GLRA3: variants seen among roughly 807,000 people sequenced by gnomAD.
GLRA3 encodes glycine receptor subunit alpha-3.
GLRA3 carries 44 observed loss-of-function variants against 60.4 expected under a neutral mutation model. The observed-to-expected ratio is 0.73, with a 90% CI of 0.57 to 0.94. The LOEUF (loss-of-function observed/expected upper bound fraction) is 0.94, where lower values mean the gene tolerates loss of function less well. Ranked by LOEUF, GLRA3 falls within the 40% of genes least tolerant of loss-of-function variation. The probability of loss-of-function intolerance (pLI) is 0.00; values close to 1 mark genes in which losing one functional copy is unlikely to be tolerated. For missense variants in GLRA3, 508 were observed against 564.6 expected, an observed-to-expected ratio of 0.90 and a Z score of 1.02; for synonymous variants, 223 against 192.9, an observed-to-expected ratio of 1.16 and a Z score of -1.29.
At chr4:174,785,923 C>T (rs1159544247) in intron 2 of GLRA3, among the ~76,000 whole-genome samples, 1 of 149,992 alleles carries the variant, frequency 6.7e-6, no homozygotes, top group African/African-American at 2.5e-5. Flanking sequence ...GTGTGTGCCA[C>T]CATGCCTGGC....
At chr4:174,722,314 C>T (rs1026338368) in intron 4 of GLRA3, among the ~76,000 whole-genome samples, 2 of 152,130 alleles carry the variant, frequency 1.3e-5, no homozygotes, top group African/African-American at 4.8e-5. Flanking sequence ...AGTCCCTAAC[C>T]TGAGTGCATG....
chr4:174,731,750 T>C (rs1736554734), intron 3 of GLRA3, among the ~76,000 whole-genome samples: 1 of 152,162 alleles, frequency 6.6e-6, no homozygotes, highest in African/African-American at 2.4e-5. Context: ...TTGCCACATA[T>C]ACAACTGACA....
chr4:174,696,489 T>A (rs140925990), intron 5 of GLRA3, among the ~76,000 whole-genome samples: 1,821 of 148,736 alleles, frequency 0.012, 31 homozygotes, highest in African/African-American at 0.042. Context: ...TAATATAATA[T>A]AATAATATTA....
At chr4:174,778,627 C>T (rs1320784754) in intron 2 of GLRA3, among the ~76,000 whole-genome samples, 6 of 152,204 alleles carry the variant, frequency 3.9e-5, no homozygotes, top group South Asian at 4.1e-4. Flanking sequence ...ACGCACCGTG[C>T]GCGAGCCGAA....
chr4:174,821,253 T>C (rs952757458), intron 1 of GLRA3, among the ~76,000 whole-genome samples: 4 of 152,202 alleles, frequency 2.6e-5, no homozygotes, highest in Non-Finnish European at 5.9e-5. Context: ...TATATGCATT[T>C]ATGGAAAAAT....
chr4:174,802,095 C>G (rs1185640961), intron 1 of GLRA3, among the ~76,000 whole-genome samples: 1 of 151,690 alleles, frequency 6.6e-6, no homozygotes, highest in Non-Finnish European at 1.5e-5. Context: ...GAATTTGATC[C>G]TCCAAACCAA....
intron 2 of GLRA3, among the ~76,000 whole-genome samples, chr4:174,782,418 T>A (rs1293077704): frequency 6.6e-6 from 1 of 150,586 alleles, no homozygotes; most frequent in Non-Finnish European, 1.5e-5. Flanking sequence ...AAGACAGGGA[T>A]GCCCTCTCTC....
chr4:174,745,487 A>G (rs1561091719), intron 3 of GLRA3, among the ~76,000 whole-genome samples: 2 of 152,182 alleles, frequency 1.3e-5, no homozygotes, highest in East Asian at 1.9e-4. Flanking sequence ...ACATTTAAGT[A>G]TACTTACTAT....
chr4:174,735,755 T>C (rs959106616), intron 3 of GLRA3, among the ~76,000 whole-genome samples: 2 of 151,986 alleles, frequency 1.3e-5, no homozygotes, highest in Admixed American at 6.6e-5. Context: ...AGAGATGGGG[T>C]TCCGTCATGT....
chr4:174,734,639 A>C (rs917578245), intron 3 of GLRA3, among the ~76,000 whole-genome samples: 4 of 152,224 alleles, frequency 2.6e-5, no homozygotes, highest in African/African-American at 9.6e-5. Context: ...ATTGTGTACC[A>C]GTTCTGGAAA....
At chr4:174,782,794 A>C (rs1738941241) in intron 2 of GLRA3, among the ~76,000 whole-genome samples, 1 of 151,992 alleles carries the variant, frequency 6.6e-6, no homozygotes. Context: ...GAGAACTACA[A>C]ACCACTGCTC....
At chr4:174,728,408 A>C (rs774677174) in intron 4 of GLRA3, 67 bp downstream of exon 4, 86 of 902,204 alleles carry the variant, frequency 9.5e-5, no homozygotes, top group Admixed American at 1.5e-4. Flanking sequence ...TTCACCAAAC[A>C]AACCAACCAA....
intron 3 of GLRA3, among the ~76,000 whole-genome samples, chr4:174,748,672 G>T (rs1737341475): frequency 6.6e-6 from 1 of 152,092 alleles, no homozygotes; most frequent in Admixed American, 6.6e-5. Context: ...TAAATTTTAG[G>T]TTTGGTGGCA....
chr4:174,720,390 C>T (rs376517552), intron 4 of GLRA3, among the ~76,000 whole-genome samples: 5 of 152,128 alleles, frequency 3.3e-5, no homozygotes, highest in East Asian at 3.8e-4. Context: ...ATGTCTGGCA[C>T]TATGCTGGGT....
intron 1 of GLRA3, among the ~76,000 whole-genome samples, chr4:174,815,526 T>A (rs1740456356): frequency 6.6e-6 from 1 of 152,214 alleles, no homozygotes; most frequent in Non-Finnish European, 1.5e-5. Context: ...TTCTGCCTCA[T>A]CATCCAGGCA....
chr4:174,798,740 C>A (rs188579200), intron 1 of GLRA3, among the ~76,000 whole-genome samples: 1 of 152,136 alleles, frequency 6.6e-6, no homozygotes, highest in East Asian at 1.9e-4. Context: ...CTGGCTAACA[C>A]GGTGAAACCC....
intron 3 of GLRA3, among the ~76,000 whole-genome samples, chr4:174,732,500 T>C (rs987420995): frequency 6.6e-6 from 1 of 152,106 alleles, no homozygotes; most frequent in African/African-American, 2.4e-5. Flanking sequence ...AAAGTATTTA[T>C]AGCAACACTG....
chr4:174,757,758 C>T (rs1024105115), intron 3 of GLRA3, among the ~76,000 whole-genome samples: 2 of 152,180 alleles, frequency 1.3e-5, no homozygotes, highest in Non-Finnish European at 2.9e-5. Flanking sequence ...GGAACATAAT[C>T]TCTTTATCCC....
At chr4:174,785,228 A>G (rs75456159) in intron 2 of GLRA3, among the ~76,000 whole-genome samples, 12,149 of 152,184 alleles carry the variant, frequency 0.08, 831 homozygotes, top group East Asian at 0.38. Flanking sequence ...AAGTAAAAAA[A>G]TCTACTTCTA....
Sources: allele counts gnomAD v4.1 joint callset (sites outside exome capture counted in the v4.1 genomes callset), GRCh38; gene constraint gnomAD v4.1.1; transcripts MANE v1.5; gene names NCBI Gene and HGNC (gene_info 2026-07-23, HGNC 2026-07-21).